The following E2F3 variants were observed in gnomAD, a reference collection of about 807,000 sequenced individuals.
E2F3 encodes the protein transcription factor E2F3.
In E2F3, 11 loss-of-function variants were observed where a neutral mutation model predicts 44.4. That is an observed-to-expected ratio of 0.25 (90% CI 0.16 to 0.41). The LOEUF is 0.41. Among genes scored for constraint, E2F3 ranks in the 10% least tolerant of loss-of-function variants. E2F3 has a pLI of 1.00. For synonymous variants in E2F3, 249 were observed against 253.0 expected (o/e 0.98, Z 0.15); for missense variants, 487 against 583.6 (o/e 0.83, Z 1.70).
In E2F3 at chr6:20,412,621, G is replaced by A. The variant is rs565522731; in HGVS notation, c.393+9996G>A. 3.9e-5 allele frequency among the ~76,000 whole-genome samples: 6 copies of A among 152,158 alleles called. No homozygotes were observed. The South Asian group carries it at 1.2e-3, about 32-fold the overall frequency. ...GGGCTGGGCGGGGAGTAGATTGGGG[G>A]TGGGAAGTTTGAGTGGTGTGGGGAT... On this transcript the variant is annotated intron_variant, in intron 1 of 6. Coordinates refer to ENST00000346618, the MANE Select transcript of E2F3 (RefSeq NM_001949.5).
At chr6:20,429,980 A>G (rs1581591437) in intron 1 of E2F3, among the ~76,000 whole-genome samples, 1 of 152,096 alleles carries the variant, frequency 6.6e-6, no homozygotes, top group Non-Finnish European at 1.5e-5. Flanking sequence ...TCTAAAATGA[A>G]TCCTCTCTGT....
At chr6:20,404,480 G>A (rs545163174) in intron 1 of E2F3, among the ~76,000 whole-genome samples, 3 of 152,234 alleles carry the variant, frequency 2.0e-5, no homozygotes, top group Admixed American at 6.5e-5. Flanking sequence ...TATACCAGGC[G>A]TGGACCTCAC....
At chr6:20,438,371 T>A (rs947506735) in intron 1 of E2F3, among the ~76,000 whole-genome samples, 2 of 152,216 alleles carry the variant, frequency 1.3e-5, no homozygotes, top group Non-Finnish European at 2.9e-5. Context: ...AACTCTATGT[T>A]TTCCCCATCA....
chr6:20,436,700 A>G (rs527457933), intron 1 of E2F3, among the ~76,000 whole-genome samples: 1 of 152,246 alleles, frequency 6.6e-6, no homozygotes, highest in South Asian at 2.1e-4. Context: ...CTAGGAAAGC[A>G]TAAAGGCAAT....
intron 1 of E2F3, among the ~76,000 whole-genome samples, chr6:20,464,431 T>A (rs1761634434): frequency 6.6e-6 from 1 of 152,214 alleles, no homozygotes; most frequent in Non-Finnish European, 1.5e-5. Flanking sequence ...TTCCATTTTA[T>A]GATAGAACTC....
In E2F3 at chr6:20,486,717, C is replaced by T. The variant is rs773975473; in HGVS notation, c.913C>T (p.Arg305Ter). The T allele has an allele frequency of 6.2e-7, 1 of 1,610,720 alleles. No individual in the cohort carries two copies. Among genetic ancestry groups the T allele is most frequent in the Non-Finnish European group, 8.5e-7 (1 of 1,178,376 alleles). Residue 305 changes from arginine (R) to a stop codon, truncating the protein, a stop_gained, in exon 5 of 7, where the codon CGA becomes TGA. Coordinates refer to ENST00000346618, the MANE Select transcript of E2F3 (RefSeq NM_001949.5). LOFTEE classifies it high-confidence loss of function. ...AGCTTATGTTACATATCAAGATATT[C>T]GAAAAATTAGTGGCCTTAAAGACCA... Reference protein sequence around the residue: ...RLAYVTYQDIRKISGLKDQTV... With the variant: ...RLAYVTYQDI
chr6:20,412,888 A>G lies in E2F3; in HGVS notation c.393+10263A>G, dbSNP rs141009217. Among the ~76,000 whole-genome samples the G allele has an allele frequency of 1.9e-3, 297 of 152,360 alleles. 1 individual carries two copies. The highest frequency in any genetic ancestry group is 6.9e-3 in the African/African-American group (287 of 41,580). On this transcript the variant is annotated intron_variant, in intron 1 of 6. Coordinates refer to ENST00000346618, the MANE Select transcript of E2F3 (RefSeq NM_001949.5). Reference sequence around the variant, plus strand: ...GCTGCCACTCAGCAGTCTCTGGTCTATGGGATAATAATAGCTAATGTTTAT... The same window carrying G: ...GCTGCCACTCAGCAGTCTCTGGTCTGTGGGATAATAATAGCTAATGTTTAT...
At chr6:20,413,581 C>G (rs1273263215) in intron 1 of E2F3, among the ~76,000 whole-genome samples, 1 of 152,182 alleles carries the variant, frequency 6.6e-6, no homozygotes, top group African/African-American at 2.4e-5. Flanking sequence ...CTTGGATTCT[C>G]AAGCGGTTGA....
intron 1 of E2F3, among the ~76,000 whole-genome samples, chr6:20,477,324 T>C (rs1044798812): frequency 2.6e-5 from 4 of 152,198 alleles, no homozygotes; most frequent in African/African-American, 9.7e-5. Flanking sequence ...ACATTTCATA[T>C]GGTATATGTA....
intron 1 of E2F3, among the ~76,000 whole-genome samples, chr6:20,432,510 C>T (rs940810911): frequency 2.6e-5 from 4 of 152,228 alleles, no homozygotes; most frequent in African/African-American, 9.6e-5. Flanking sequence ...AGACCACAGA[C>T]CTTACGTTTA....
chr6:20,490,080 T>A lies in E2F3; in HGVS notation c.1136-88T>A, dbSNP rs1377654151. The A allele has an allele frequency of 5.0e-6, 7 of 1,413,698 alleles. No homozygotes were observed. In the East Asian group the frequency reaches 1.4e-4, roughly 29 times the overall value. The allele number at this position is 1,413,698 out of a possible 1,614,324, so 87.6% of individuals were successfully genotyped here. ...ATTATTTGCGGAAGGTACATGCTTT[T>A]TTCTAACAGCAACATATACATTCTT... On this transcript the variant is annotated intron_variant, in intron 6 of 6. Transcript: ENST00000346618. This position sits in a 1 kb window ranked among gnomAD's most constrained non-coding sequence, Gnocchi z 4.3.
intron 1 of E2F3, among the ~76,000 whole-genome samples, chr6:20,472,629 G>A (rs896530779): frequency 2.6e-5 from 4 of 152,002 alleles, no homozygotes; most frequent in South Asian, 2.1e-4. Flanking sequence ...TCACACCACC[G>A]CCCTCCAGCT....
chr6:20,405,890 C>T (rs1457220171), intron 1 of E2F3, among the ~76,000 whole-genome samples: 1 of 152,132 alleles, frequency 6.6e-6, no homozygotes, highest in East Asian at 1.9e-4. Context: ...AAGTCTTAAG[C>T]ACTGAATATA....
At chr6:20,451,058 T>A (rs1761114869) in intron 1 of E2F3, among the ~76,000 whole-genome samples, 1 of 152,194 alleles carries the variant, frequency 6.6e-6, no homozygotes, top group African/African-American at 2.4e-5. Flanking sequence ...AGTCAAGTAG[T>A]GTAATGCCTC....
At position 20,490,135 on chromosome 6, in the gene E2F3, T is replaced by C. The variant is rs2127629077; in HGVS notation, c.1136-33T>C. 6.5e-7 allele frequency: 1 copy of C among 1,539,438 alleles called. No homozygotes were observed. Among genetic ancestry groups the C allele is most frequent in the Non-Finnish European group, 8.7e-7 (1 of 1,143,334 alleles). On this transcript the variant is annotated intron_variant, in intron 6 of 6. Coordinates refer to ENST00000346618, the MANE Select transcript of E2F3 (RefSeq NM_001949.5). The surrounding 1 kb of genome is among the most constrained non-coding windows in gnomAD (Gnocchi z 4.3). ...AAAAATTCATTTGATTTTTCTAACT[T>C]ATTTTTTGTTTCCATCAATGTTTTC...
intron 1 of E2F3, among the ~76,000 whole-genome samples, chr6:20,450,088 G>T (rs1379793962): frequency 6.6e-6 from 1 of 152,136 alleles, no homozygotes; most frequent in African/African-American, 2.4e-5. Context: ...CATACGGTAT[G>T]CATGAGTCTT....
At chr6:20,445,300 C>T (rs1353176742) in intron 1 of E2F3, among the ~76,000 whole-genome samples, 9 of 151,146 alleles carry the variant, frequency 6.0e-5, no homozygotes, top group Non-Finnish European at 1.2e-4. Flanking sequence ...AGTACAGTGG[C>T]GCGATCTCAG....
At position 20,483,119 on chromosome 6, in the gene E2F3, T is replaced by C. The variant is rs145956006; in HGVS notation, c.884+199T>C. On this transcript the variant is annotated intron_variant, in intron 4 of 6. Transcript: ENST00000346618. ...GCTTTGCCTAAAAAGTCAGTATTTA[T>C]GGTAAGATAGTCACCAACTCGATCC... Among the ~76,000 whole-genome samples the C allele has an allele frequency of 4.1e-3, 619 of 152,248 alleles. 10 individuals carry two copies. Among genetic ancestry groups the C allele is most frequent in the African/African-American group, 0.013 (535 of 41,546 alleles).
At chr6:20,439,876 C>G (rs1159342955) in intron 1 of E2F3, 1 of 152,188 alleles carries the variant, frequency 6.6e-6, no homozygotes, top group Non-Finnish European at 1.5e-5. Context: ...CTTCATTTAC[C>G]TGACAGTCCT....
Sources: gnomAD v4.1 joint callset for allele counts (sites outside exome capture counted in the v4.1 genomes callset) on GRCh38, gnomAD v4.1.1 for gene constraint, Gnocchi (gnomAD v3.1) non-coding constraint, MANE v1.5 for transcripts, NCBI Gene and HGNC (gene_info 2026-07-23, HGNC 2026-07-21) for gene names.